CLCN6: variants seen among roughly 807,000 people sequenced by gnomAD.
The protein encoded by CLCN6 is Cl-/H+ antiporter 6, also known as H(+)/Cl(-) exchange transporter 6.
A neutral mutation model predicts 109.8 loss-of-function variants in CLCN6; 70 were observed. That is an observed-to-expected ratio of 0.64 (90% CI 0.53 to 0.78). The LOEUF is 0.78. CLCN6 is among the 30% of genes least tolerant of loss of function. The pLI is 0.00. For missense variants in CLCN6, 984 were observed against 1,142.3 expected, an observed-to-expected ratio of 0.86 and a Z score of 2.00; for synonymous variants, 444 against 447.8, an observed-to-expected ratio of 0.99 and a Z score of 0.11.
chr1:11,828,465 ACT>A lies in CLCN6; in HGVS notation c.965_966del (p.Ser322Ter). 1 of 1,613,442 alleles carries A rather than the reference ACT, an allele frequency of 6.2e-7. No homozygotes were observed. Among genetic ancestry groups the A allele is most frequent in the Non-Finnish European group, 8.5e-7 (1 of 1,179,906 alleles). On this transcript the variant is annotated frameshift_variant, in exon 12 of 23. Coordinates refer to ENST00000346436, the MANE Select transcript of CLCN6 (RefSeq NM_001286.5). LOFTEE classifies it high-confidence loss of function. The stretch of plus-strand genomic sequence containing the variant: ...CCTTTCCCCTTCTCTCAGTGCTCTG[ACT>A]CTGATAAAAAATGTCATCTCTGGAC...
Position 11,833,652 on chromosome 1 carries a change from C to G in CLCN6, c.1372+14C>G. ...TCCACCAGGATGGTGAGTGTCTGCA[C>G]TGCAGCCCAATCGTGGGTGATTGGT... On this transcript the variant is annotated intron_variant, in intron 14 of 22. Coordinates refer to ENST00000346436, the MANE Select transcript of CLCN6 (RefSeq NM_001286.5). 16 of 1,612,850 alleles carry G rather than the reference C, an allele frequency of 9.9e-6. No homozygotes were observed. The highest frequency in any genetic ancestry group is 1.4e-5 in the Non-Finnish European group (16 of 1,179,972).
chr1:11,820,189 C>A (rs1644723363), intron 5 of CLCN6, among the ~76,000 whole-genome samples: 1 of 152,168 alleles, frequency 6.6e-6, no homozygotes, highest in Non-Finnish European at 1.5e-5. Context: ...ATAAAAGATA[C>A]ACATCTCTGT....
intron 4 of CLCN6, 73 bp from the exon 5 acceptor site, chr1:11,819,415 A>G: frequency 7.3e-7 from 1 of 1,365,052 alleles, no homozygotes; most frequent in Admixed American, 1.7e-5. Flanking sequence ...TGCCTTCAAG[A>G]GGAGCACACC....
In CLCN6 at chr1:11,807,150, A is replaced by G. The variant is rs1303558451; in HGVS notation, c.107A>G (p.Gln36Arg). The change falls in exon 2 of 23, where the codon CAG (glutamine) becomes CGG (arginine). Residue 36 changes from glutamine (Q) to arginine (R), a missense_variant. Gln to Arg is a conservative substitution (Grantham distance 43). Transcript: ENST00000346436. ...TTCTAGACCATCCTTGGAGAAACAC[A>G]GGAGGAGGAGGATGAGATTCTTCCA... ...PEELTILGETQEEEDEILPRK... is the reference protein window; with the variant it reads ...PEELTILGETREEEDEILPRK... 1 of 1,613,378 alleles carries G rather than the reference A, an allele frequency of 6.2e-7. No homozygotes were observed. Among genetic ancestry groups the G allele is most frequent in the Non-Finnish European group, 8.5e-7 (1 of 1,179,412 alleles).
At chr1:11,819,394 G>C (rs1218620286) in intron 4 of CLCN6, 94 bp from the exon 5 acceptor site, 16 of 1,100,806 alleles carry the variant, frequency 1.5e-5, no homozygotes, top group Non-Finnish European at 1.8e-5. Flanking sequence ...TATGTGCAGT[G>C]GGGGAGGAGA....
intron 22 of CLCN6, chr1:11,838,911 T>A (rs1334249648): frequency 1.4e-6 from 1 of 719,878 alleles, no homozygotes; most frequent in African/African-American, 1.7e-5. Context: ...AGGCTGTGTC[T>A]TCCTCCTGAA....
intron 5 of CLCN6, among the ~76,000 whole-genome samples, chr1:11,822,040 G>T (rs1210459195): frequency 1.3e-5 from 2 of 151,940 alleles, no homozygotes; most frequent in African/African-American, 4.8e-5. Context: ...ATAATTTCAG[G>T]TTAGTGGTTT....
At position 11,840,418 on chromosome 1, in the gene CLCN6, T is replaced by C. The variant is rs569756540; in HGVS notation, c.*195T>C. The C allele has an allele frequency of 1.6e-6, 1 of 614,618 alleles. No individual in the cohort carries two copies. Among genetic ancestry groups the C allele is most frequent in the Non-Finnish European group, 2.9e-6 (1 of 341,318 alleles). 38.1% of individuals were successfully genotyped at this position (614,618 alleles called of 1,614,324 possible). ...TTTGAACCATCAGAGCTTGGACTTT[T>C]CTGACTTCCCCAGCAAGGATCTTCC... On this transcript the variant is annotated 3_prime_UTR_variant, in exon 23 of 23. Transcript: ENST00000346436.
At position 11,806,236 on chromosome 1, in the gene CLCN6, G is replaced by A. The variant is rs1438870007; in HGVS notation, c.-27G>A. 9.1e-6 allele frequency: 13 copies of A among 1,429,228 alleles called. No individual in the cohort carries two copies. Among genetic ancestry groups the A allele is most frequent in the Non-Finnish European group, 1.2e-5 (13 of 1,090,350 alleles). 88.5% of individuals were successfully genotyped at this position (1,429,228 alleles called of 1,614,324 possible). On this transcript the variant is annotated 5_prime_UTR_variant, in exon 1 of 23. Coordinates refer to ENST00000346436, the MANE Select transcript of CLCN6 (RefSeq NM_001286.5). Reference sequence around the variant, plus strand: ...CTGGCTGGGAGGGGGTTGGTAGAGGGGTCCAGAGTGGCAGTAAAGGAGGAA... The same window carrying A: ...CTGGCTGGGAGGGGGTTGGTAGAGGAGTCCAGAGTGGCAGTAAAGGAGGAA...
At chr1:11,840,099 C>G in intron 22 of CLCN6, 44 bp from the exon 23 acceptor site, 1 of 1,530,044 alleles carries the variant, frequency 6.5e-7, no homozygotes, top group East Asian at 2.2e-5. Flanking sequence ...TTCTCGCCAG[C>G]GGGTTTTACC....
intron 4 of CLCN6, among the ~76,000 whole-genome samples, chr1:11,818,016 T>G (rs1273045651): frequency 6.6e-6 from 1 of 151,952 alleles, no homozygotes; most frequent in African/African-American, 2.4e-5. Flanking sequence ...AATCCCAGCA[T>G]TTTGAGAGGC....
chr1:11,840,824 G>A lies in CLCN6; in HGVS notation c.*601G>A, dbSNP rs1404827973. ...TGAGCAGAGGCTCTGGTCTTGCCCT[G>A]TGGTTTGACTCTCCTTAGAACCACC... On this transcript the variant is annotated 3_prime_UTR_variant, in exon 23 of 23. Coordinates refer to ENST00000346436, the MANE Select transcript of CLCN6 (RefSeq NM_001286.5). The A allele has an allele frequency of 6.3e-6, 1 of 159,398 alleles. No homozygotes were observed. Among genetic ancestry groups the A allele is most frequent in the East Asian group, 1.8e-4 (1 of 5,664 alleles). 9.9% of individuals were successfully genotyped at this position (159,398 alleles called of 1,614,324 possible). A position where few individuals can be genotyped will look rare whatever the true frequency, so the allele number is the denominator to read the frequency against.
At chr1:11,824,619 C>A in intron 8 of CLCN6, 66 bp downstream of exon 8, 2 of 1,345,370 alleles carry the variant, frequency 1.5e-6, no homozygotes, top group Non-Finnish European at 2.1e-6. Flanking sequence ...TACACTGGGC[C>A]AAATCCATTG....
In CLCN6 at chr1:11,837,077, C is replaced by T. The variant is rs1470288744; in HGVS notation, c.2059C>T (p.Arg687Trp). ...GAAGTCCTACCCATCCAGCGAGCTA[C>T]GGAACATGTGTGATGAGCACATCGC... ...SMKSYPSSELRNMCDEHIASE... is the reference protein window; with the variant it reads ...SMKSYPSSELWNMCDEHIASE... Residue 687 changes from arginine (R) to tryptophan (W), a missense_variant, in exon 19 of 23, where the codon CGG (arginine) becomes TGG (tryptophan). Transcript: ENST00000346436. 2.5e-6 allele frequency: 4 copies of T among 1,613,370 alleles called. No individual in the cohort carries two copies. Among genetic ancestry groups the T allele is most frequent in the Non-Finnish European group, 3.4e-6 (4 of 1,180,050 alleles).
In CLCN6 at chr1:11,806,289, C is replaced by CTGCTGCTGCAGGTGG. The variant is rs746447524; in HGVS notation, c.37_51dup (p.Arg13_Cys17dup). 1.3e-6 allele frequency: 2 copies of CTGCTGCTGCAGGTGG among 1,506,110 alleles called. No individual in the cohort carries two copies. The highest frequency in any genetic ancestry group is 8.8e-7 in the Non-Finnish European group (1 of 1,138,222). The allele number at this position is 1,506,110 out of a possible 1,614,324, so 93.3% of individuals were successfully genotyped here. A position where few individuals can be genotyped will look rare whatever the true frequency, so the allele number is the denominator to read the frequency against. On this transcript the variant is annotated inframe_insertion, in exon 1 of 23. Transcript: ENST00000346436. Reference sequence around the variant, plus strand: ...TGGCGGGGTGCAGGGGGTCTCTGTGCTGCTGCTGCAGGTGGTGCTGCTGCT... The same window carrying CTGCTGCTGCAGGTGG: ...TGGCGGGGTGCAGGGGGTCTCTGTGCTGCTGCTGCAGGTGGTGCTGCTGCAGGTGGTGCTGCTGCT...
chr1:11,827,149 G>A lies in CLCN6; in HGVS notation c.768G>A (p.Ala256=), dbSNP rs372922502. The A allele has an allele frequency of 5.1e-5, 82 of 1,613,878 alleles. 1 individual carries two copies. Among genetic ancestry groups the A allele is most frequent in the African/African-American group, 2.7e-4 (20 of 75,004 alleles). The part of the protein sequence containing the change: ...AAAGVAAAFG[A]PIGGTLFSLE... ...CTGGAGTTGCTGCAGCTTTCGGGGCGCCAATCGGGGGTACCTTGTTCAGTC... is the reference window on the plus strand; with the variant it reads ...CTGGAGTTGCTGCAGCTTTCGGGGCACCAATCGGGGGTACCTTGTTCAGTC... Residue 256 remains alanine, a synonymous_variant, in exon 10 of 23, where the codon GCG becomes GCA. Coordinates refer to ENST00000346436, the MANE Select transcript of CLCN6 (RefSeq NM_001286.5).
At position 11,830,737 on chromosome 1, in the gene CLCN6, T is replaced by TCATATA. The variant is rs1359328796; in HGVS notation, c.1248+1415_1248+1416insCATATA. On this transcript the variant is annotated intron_variant, in intron 13 of 22. Coordinates refer to ENST00000346436, the MANE Select transcript of CLCN6 (RefSeq NM_001286.5). Reference sequence around the variant, plus strand: ...CAGTGTCCCCAGTTATATGTATATATTATATATATATATATATATATATAT... The same window carrying TCATATA: ...CAGTGTCCCCAGTTATATGTATATATCATATATATATATATATATATATATATATAT... Among the ~76,000 whole-genome samples, 771 of 91,102 alleles carry TCATATA rather than the reference T, an allele frequency of 8.5e-3. 27 individuals are homozygous for TCATATA. The highest frequency in any genetic ancestry group is 0.043 in the Admixed American group (432 of 10,102). The allele number at this position is 91,102 out of a possible 152,430, so 59.8% of individuals were successfully genotyped here. A position where few individuals can be genotyped will look rare whatever the true frequency, so the allele number is the denominator to read the frequency against.
chr1:11,835,960 C>G lies in CLCN6; in HGVS notation c.1794-7C>G, dbSNP rs746433374. On this transcript the variant is annotated splice_region_variant and splice_polypyrimidine_tract_variant and intron_variant, in intron 17 of 22. Coordinates refer to ENST00000346436, the MANE Select transcript of CLCN6 (RefSeq NM_001286.5). ...ATGAGGCTGGATGACTTGCCCTCCT[C>G]CCCCAGGCTGAGAGCCAGCGACATC... 2.5e-6 allele frequency: 4 copies of G among 1,611,024 alleles called. No individual in the cohort carries two copies. The highest frequency in any genetic ancestry group is 3.4e-6 in the Non-Finnish European group (4 of 1,178,532).
At chr1:11,809,892 C>A (rs1298126476) in intron 2 of CLCN6, among the ~76,000 whole-genome samples, 1 of 152,128 alleles carries the variant, frequency 6.6e-6, no homozygotes, top group Non-Finnish European at 1.5e-5. Flanking sequence ...ACAGAAAAGT[C>A]TGGATTTTAT....
Sources: allele counts gnomAD v4.1 joint callset (sites outside exome capture counted in the v4.1 genomes callset), GRCh38; gene constraint gnomAD v4.1.1; transcripts MANE v1.5; gene names NCBI Gene and HGNC (gene_info 2026-07-23, HGNC 2026-07-21).